MYO18B: variants seen among roughly 807,000 people sequenced by gnomAD.
MYO18B encodes myosin XVIIIB, also known as unconventional myosin-XVIIIb.
In MYO18B, 204 loss-of-function variants were observed where a neutral mutation model predicts 273.0. The ratio of observed to expected loss-of-function variants is 0.75; its 90% CI spans 0.67 to 0.84. MYO18B has a LOEUF of 0.84. Ranked by LOEUF, MYO18B falls within the 40% of genes least tolerant of loss-of-function variation. MYO18B has a pLI of 0.00. For missense variants in MYO18B, 3,212 were observed against 3,287.6 expected (o/e 0.98, Z 0.56); for synonymous variants, 1,330 against 1,305.7 (o/e 1.02, Z -0.40).
chr22:26,053,043 G>A, the MYO18B span, among the ~76,000 whole-genome samples: 30 of 151,854 alleles, frequency 2.0e-4, no homozygotes, highest in Admixed American at 1.2e-3. Context: ...TCCTGACCTC[G>A]TGATCCACCC....
chr22:26,006,600 A>T (rs1021702103), intron 42 of MYO18B: 2 of 164,602 alleles, frequency 1.2e-5, no homozygotes, highest in African/African-American at 4.8e-5. Flanking sequence ...ACTTTCAATA[A>T]GCATTTATCA....
At chr22:25,814,574 G>C (rs2088920425) in intron 12 of MYO18B, among the ~76,000 whole-genome samples, 2 of 151,940 alleles carry the variant, frequency 1.3e-5, no homozygotes, top group African/African-American at 4.8e-5. Flanking sequence ...TTGCCAAATG[G>C]GGTGGACTAG....
chr22:25,947,604 A>G lies in MYO18B; in HGVS notation c.5632-108A>G, dbSNP rs895127753. ...CAGCCACTCTTAAACATTGATGGTC[A>G]CTCACCTCACACACCTATAGGCAAG... is the stretch of plus-strand genomic sequence containing the variant. On this transcript the variant is annotated intron_variant, in intron 35 of 43. Transcript: ENST00000335473. The G allele has an allele frequency of 1.9e-4, 136 of 706,924 alleles. 1 individual carries two copies. Among genetic ancestry groups the G allele is most frequent in the Non-Finnish European group, 3.4e-5 (14 of 408,860 alleles). 43.8% of individuals were successfully genotyped at this position (706,924 alleles called of 1,614,324 possible). A position where few individuals can be genotyped will look rare whatever the true frequency, so the allele number is the denominator to read the frequency against.
intron 39 of MYO18B, among the ~76,000 whole-genome samples, chr22:25,990,220 G>A (rs572384114): frequency 6.6e-6 from 1 of 152,290 alleles, no homozygotes; most frequent in East Asian, 1.9e-4. Context: ...AGAGAGCTGA[G>A]TGTGTCCCTG....
In MYO18B at chr22:25,874,302, G is replaced by A. The variant is rs201745993; in HGVS notation, c.3968G>A (p.Gly1323Asp). The change falls in exon 23 of 44, where the codon GGT becomes GAT. Residue 1323 changes from glycine to aspartate, a missense_variant. Gly to Asp is a moderately conservative substitution (Grantham distance 94). Transcript: ENST00000335473. ...TCTCCCCAGGTTTTTCTCAAGGCAG[G>A]TGTGATCTCCAGGCTTGAGAAGCAG... The part of the protein sequence containing the change: ...VGHSQVFLKA[G>D]VISRLEKQRE... 3 of 1,613,928 alleles carry A rather than the reference G, an allele frequency of 1.9e-6. No individual in the cohort carries two copies. The highest frequency in any genetic ancestry group is 1.3e-5 in the African/African-American group (1 of 75,036).
At chr22:25,828,702 G>T (rs117123886) in intron 14 of MYO18B, 74 bp from the exon 15 acceptor site, 42,453 of 1,448,924 alleles carry the variant, frequency 0.029, 788 homozygotes, top group Non-Finnish European at 0.033. Context: ...AACCAGTTCT[G>T]CTGGAGGCTT....
chr22:25,809,475 C>G (rs963996051), intron 12 of MYO18B, among the ~76,000 whole-genome samples: 1 of 152,148 alleles, frequency 6.6e-6, no homozygotes, highest in African/African-American at 2.4e-5. Flanking sequence ...GTTTATTTGT[C>G]TCTCACGAAA....
Position 25,910,976 on chromosome 22 carries a change from G to A in MYO18B, c.5290G>A (p.Glu1764Lys). 1 of 1,601,926 alleles carries A rather than the reference G, an allele frequency of 6.2e-7. No homozygotes were observed. Among genetic ancestry groups the A allele is most frequent in the South Asian group, 1.1e-5 (1 of 87,900 alleles). ...TCAGCTGGAAATGCAGCTGGAGCAA[G>A]AGTATGAAGAGAAGCAGATGGTCCT... ...LHQLEMQLEQ[E>K]YEEKQMVLHE... The change falls in exon 33 of 44, where the codon GAG becomes AAG. Residue 1764 changes from glutamate (E) to lysine (K), a missense_variant. Coordinates refer to ENST00000335473, the MANE Select transcript of MYO18B (RefSeq NM_032608.7).
At position 25,902,742 on chromosome 22, in the gene MYO18B, G is replaced by C; in HGVS notation, c.4947+6G>C. ...AGCTTCAGCAGCAGCTGAAGGTAAG[G>C]GATGGGGGACACAGAGCTATCTTGG... On this transcript the variant is annotated splice_donor_region_variant and intron_variant, in intron 30 of 43. Transcript: ENST00000335473. The C allele has an allele frequency of 6.3e-7, 1 of 1,575,466 alleles. No individual in the cohort carries two copies. The highest frequency in any genetic ancestry group is 8.6e-7 in the Non-Finnish European group (1 of 1,159,774).
intron 21 of MYO18B, among the ~76,000 whole-genome samples, chr22:25,864,176 G>A (rs1172331461): frequency 2.0e-5 from 3 of 152,230 alleles, no homozygotes; most frequent in African/African-American, 7.2e-5. Context: ...AGACAGAGCT[G>A]GGGTGGGTGG....
chr22:26,020,012 T>C (rs1345722601), intron 42 of MYO18B, among the ~76,000 whole-genome samples: 1 of 152,074 alleles, frequency 6.6e-6, no homozygotes, highest in Admixed American at 6.5e-5. Flanking sequence ...TTCTGCCCAG[T>C]AGGTGTGTGA....
the MYO18B span, among the ~76,000 whole-genome samples, chr22:26,044,745 C>T: frequency 5.3e-5 from 8 of 152,110 alleles, no homozygotes; most frequent in Non-Finnish European, 8.8e-5. Context: ...TCACTTCTGA[C>T]GTGGAGAAAA....
chr22:25,934,066 C>A (rs1231590675), intron 34 of MYO18B, among the ~76,000 whole-genome samples: 1 of 152,162 alleles, frequency 6.6e-6, no homozygotes, highest in South Asian at 2.1e-4. Flanking sequence ...TTCTATTTTG[C>A]ACTTCTCTGA....
intron 34 of MYO18B, among the ~76,000 whole-genome samples, chr22:25,938,629 A>C (rs1391421060): frequency 6.6e-6 from 1 of 152,216 alleles, no homozygotes; most frequent in Non-Finnish European, 1.5e-5. Context: ...TAATGTAGTG[A>C]GTGTTGAAGA....
chr22:25,958,735 C>CT (rs2092883231), intron 39 of MYO18B, among the ~76,000 whole-genome samples: 1 of 152,114 alleles, frequency 6.6e-6, no homozygotes, highest in Non-Finnish European at 1.5e-5. Context: ...GAGGCCCCTC[C>CT]TATAGGTGTG....
the MYO18B span, among the ~76,000 whole-genome samples, chr22:26,058,326 A>C: frequency 1.3e-5 from 2 of 152,126 alleles, no homozygotes; most frequent in East Asian, 3.9e-4. Flanking sequence ...GGATATGAGA[A>C]TGTGAGTGGG....
At chr22:25,826,338 GC>G in intron 13 of MYO18B, 70 bp from the exon 14 acceptor site, 1 of 1,163,686 alleles carries the variant, frequency 8.6e-7, no homozygotes, top group Middle Eastern at 2.0e-4. Flanking sequence ...GGTCCCTACT[GC>G]TCTGCAGTGA....
chr22:26,009,197 A>G lies in MYO18B; in HGVS notation c.6470+4342A>G, dbSNP rs936710312. Among the ~76,000 whole-genome samples the G allele has an allele frequency of 1.1e-4, 16 of 152,292 alleles. No individual in the cohort carries two copies. In the East Asian group the frequency reaches 3.1e-3, roughly 29 times the overall value. ...TTAACTTCTGCTGTGATGTATATGC[A>G]TTCATCTCTATTTGCCCCCATATTC... On this transcript the variant is annotated intron_variant, in intron 42 of 43. Coordinates refer to ENST00000335473, the MANE Select transcript of MYO18B (RefSeq NM_032608.7).
At chr22:25,764,851 G>A (rs1400240866) in intron 3 of MYO18B, among the ~76,000 whole-genome samples, 1 of 152,216 alleles carries the variant, frequency 6.6e-6, no homozygotes, top group African/African-American at 2.4e-5. Context: ...AGGTGGATGG[G>A]ATTCTACCCA....
Sources: allele counts gnomAD v4.1 joint callset (sites outside exome capture counted in the v4.1 genomes callset), GRCh38; gene constraint gnomAD v4.1.1; transcripts MANE v1.5; gene names NCBI Gene and HGNC (gene_info 2026-07-23, HGNC 2026-07-21).